GLIS1: variants seen among roughly 807,000 people sequenced by gnomAD.
GLIS1 encodes GLIS family zinc finger 1, also known as zinc finger protein GLIS1.
A neutral mutation model predicts 63.8 loss-of-function variants in GLIS1; 24 were observed. The ratio of observed to expected loss-of-function variants is 0.38; its 90% CI spans 0.27 to 0.53. The LOEUF (loss-of-function observed/expected upper bound fraction) is 0.53. Among genes scored for constraint, GLIS1 ranks in the 20% least tolerant of loss-of-function variants. The pLI is 0.85. For synonymous variants in GLIS1, 450 were observed against 482.5 expected, an observed-to-expected ratio of 0.93 and a Z score of 0.88; for missense variants, 1,036 against 1,074.1, an observed-to-expected ratio of 0.96 and a Z score of 0.50.
At chr1:53,626,860 AACCAACAACCAGCCC>A (rs1403589379) in intron 2 of GLIS1, among the ~76,000 whole-genome samples, 4 of 152,250 alleles carry the variant, frequency 2.6e-5, no homozygotes, top group Non-Finnish European at 4.4e-5. Context: ...TCCTGCATCC[AACCAACAACCAGCCC>A]ACCATGGGGG....
chr1:53,562,345 C>T (rs1370010792), intron 4 of GLIS1, among the ~76,000 whole-genome samples: 1 of 152,204 alleles, frequency 6.6e-6, no homozygotes, highest in Non-Finnish European at 1.5e-5. Flanking sequence ...CCAAGATTTT[C>T]ACCGTGCAGA....
At chr1:53,706,255 C>G (rs2100508101) in intron 2 of GLIS1, among the ~76,000 whole-genome samples, 1 of 152,288 alleles carries the variant, frequency 6.6e-6, no homozygotes, top group African/African-American at 2.4e-5. Flanking sequence ...ATTCTTAGCC[C>G]CATGCCATTC....
chr1:53,570,763 C>A (rs1369251855), intron 4 of GLIS1, among the ~76,000 whole-genome samples: 1 of 152,114 alleles, frequency 6.6e-6, no homozygotes, highest in African/African-American at 2.4e-5. Flanking sequence ...AGCTGGATAT[C>A]CAGCTGGAAA....
chr1:53,677,955 G>T (rs545697013), intron 2 of GLIS1, among the ~76,000 whole-genome samples: 25 of 152,308 alleles, frequency 1.6e-4, no homozygotes, highest in African/African-American at 6.0e-4. Context: ...GATGTCTCCT[G>T]CCAGAGCTGT....
chr1:53,583,162 C>A (rs1336418323), intron 4 of GLIS1, among the ~76,000 whole-genome samples: 1 of 152,148 alleles, frequency 6.6e-6, no homozygotes, highest in Non-Finnish European at 1.5e-5. Flanking sequence ...GAGCTGGAGG[C>A]GCAGATGTAA....
Position 53,539,107 on chromosome 1 carries a change from C to T in GLIS1, c.1321-9155G>A, listed in dbSNP as rs1157901712. Among the ~76,000 whole-genome samples, 24 of 151,974 alleles carry T rather than the reference C, an allele frequency of 1.6e-4. No homozygotes were observed. The highest frequency in any genetic ancestry group is 7.4e-5 in the Non-Finnish European group (5 of 67,972). ...GCAGAGAGCACACAGCATAGAATGG[C>T]TGACACATGTACACCAAGCCACCAG... On this transcript the variant is annotated intron_variant, in intron 4 of 10. Coordinates refer to ENST00000628545, the MANE Select transcript of GLIS1 (RefSeq NM_001367484.1). This position sits in a 1 kb window ranked among gnomAD's most constrained non-coding sequence, Gnocchi z 5.0.
At chr1:53,617,391 G>GT (rs1359814422) in intron 2 of GLIS1, among the ~76,000 whole-genome samples, 1 of 152,194 alleles carries the variant, frequency 6.6e-6, no homozygotes, top group Admixed American at 6.5e-5. Context: ...TTAAATACAA[G>GT]TACTTTCTCA....
In GLIS1 at chr1:53,506,521, C is replaced by T; in HGVS notation, c.*98G>A. ...CATGGCCTGGCTGTTCCGGCTGTGG[C>T]CTGGCACTCCTGCTAGGTGCACGGA... On this transcript the variant is annotated 3_prime_UTR_variant, in exon 11 of 11. Coordinates refer to ENST00000628545, the MANE Select transcript of GLIS1 (RefSeq NM_001367484.1). 1.5e-6 allele frequency: 2 copies of T among 1,305,728 alleles called. No individual in the cohort carries two copies. The highest frequency in any genetic ancestry group is 2.2e-6 in the Non-Finnish European group (2 of 926,802). The allele number at this position is 1,305,728 out of a possible 1,614,324, so 80.9% of individuals were successfully genotyped here.
At chr1:53,592,420 G>A (rs895613517) in intron 4 of GLIS1, among the ~76,000 whole-genome samples, 3 of 152,100 alleles carry the variant, frequency 2.0e-5, no homozygotes, top group African/African-American at 4.8e-5. Context: ...CCTCCACCTC[G>A]GCCCCCACAG....
chr1:53,583,812 A>G (rs1162778247), intron 4 of GLIS1, among the ~76,000 whole-genome samples: 1 of 152,222 alleles, frequency 6.6e-6, no homozygotes, highest in African/African-American at 2.4e-5. Context: ...GTGGAAGAAG[A>G]TTTATTGTGG....
At position 53,598,529 on chromosome 1, in the gene GLIS1, T is replaced by C. The variant is rs1016652119; in HGVS notation, c.437+1572A>G. 6.6e-6 allele frequency among the ~76,000 whole-genome samples: 1 copy of C among 151,008 alleles called. No individual in the cohort carries two copies. Among genetic ancestry groups the C allele is most frequent in the African/African-American group, 2.4e-5 (1 of 40,888 alleles). On this transcript the variant is annotated intron_variant, in intron 3 of 10. Coordinates refer to ENST00000628545, the MANE Select transcript of GLIS1 (RefSeq NM_001367484.1). The surrounding 1 kb of genome is among the most constrained non-coding windows in gnomAD (Gnocchi z 4.6). ...CAGCCTGGGTGACAGAGTCAGACCC[T>C]GTCTCAAAAAAAAAAAAGGAGGAAT...
In GLIS1 at chr1:53,560,184, A is replaced by G. The variant is rs1251788443; in HGVS notation, c.1321-30232T>C. On this transcript the variant is annotated intron_variant, in intron 4 of 10. Transcript: ENST00000628545. The surrounding 1 kb of genome is among the most constrained non-coding windows in gnomAD (Gnocchi z 4.4). The stretch of plus-strand genomic sequence containing the variant: ...TGATGAAGATACAGAAATGAATCCA[A>G]TACGAAGCTGGAGTGGCCTGTAGAG... Among the ~76,000 whole-genome samples, 2 of 152,246 alleles carry G rather than the reference A, an allele frequency of 1.3e-5. No homozygotes were observed. Among genetic ancestry groups the G allele is most frequent in the Non-Finnish European group, 2.9e-5 (2 of 68,034 alleles).
chr1:53,662,157 A>G (rs1484046409), intron 2 of GLIS1, among the ~76,000 whole-genome samples: 2 of 152,308 alleles, frequency 1.3e-5, no homozygotes, highest in African/African-American at 4.8e-5. Context: ...ACCCCAGGCA[A>G]GTTGGTGGCA....
At chr1:53,562,643 C>A (rs1644903722) in intron 4 of GLIS1, among the ~76,000 whole-genome samples, 2 of 152,200 alleles carry the variant, frequency 1.3e-5, no homozygotes, top group Non-Finnish European at 1.5e-5. Context: ...CCCTTAGGTG[C>A]TGGTACACCT....
chr1:53,567,629 A>G (rs1644946685), intron 4 of GLIS1, among the ~76,000 whole-genome samples: 1 of 152,148 alleles, frequency 6.6e-6, no homozygotes, highest in Non-Finnish European at 1.5e-5. Context: ...AGGAGGAAAA[A>G]ATGGTTTCGT....
At chr1:53,620,860 C>T (rs539787880) in intron 2 of GLIS1, among the ~76,000 whole-genome samples, 4 of 152,356 alleles carry the variant, frequency 2.6e-5, no homozygotes, top group African/African-American at 9.6e-5. Flanking sequence ...AAGCCTCACA[C>T]CGTATCCAGA....
intron 2 of GLIS1, among the ~76,000 whole-genome samples, chr1:53,662,040 A>G (rs1646034442): frequency 6.6e-6 from 1 of 152,144 alleles, no homozygotes; most frequent in African/African-American, 2.4e-5. Context: ...CCCCAGAGGT[A>G]TGTAATCAAG....
At chr1:53,580,750 T>C (rs1645076816) in intron 4 of GLIS1, among the ~76,000 whole-genome samples, 1 of 152,162 alleles carries the variant, frequency 6.6e-6, no homozygotes, top group Non-Finnish European at 1.5e-5. Context: ...GCCTAACCAA[T>C]GCCGCTTTCC....
chr1:53,537,671 C>T (rs535382909), intron 4 of GLIS1, among the ~76,000 whole-genome samples: 8 of 152,282 alleles, frequency 5.3e-5, no homozygotes, highest in South Asian at 4.1e-4. Context: ...TTCCTGCCTG[C>T]GGCTGGCATG....
Sources: allele counts gnomAD v4.1 joint callset (sites outside exome capture counted in the v4.1 genomes callset), GRCh38; gene constraint gnomAD v4.1.1; non-coding constraint Gnocchi (gnomAD v3.1); transcripts MANE v1.5; gene names NCBI Gene and HGNC (gene_info 2026-07-23, HGNC 2026-07-21).